PDCD2L: variants seen among roughly 807,000 people sequenced by gnomAD.
The protein encoded by PDCD2L is uS5 assembly chaperone PDCD2L.
A neutral mutation model predicts 40.4 loss-of-function variants in PDCD2L; 44 were observed. The ratio of observed to expected loss-of-function variants is 1.09; its 90% CI spans 0.86 to 1.40. The LOEUF is 1.40. Ranked by LOEUF, PDCD2L falls within the 40% of genes most tolerant of loss-of-function variation. The pLI, the probability that PDCD2L is intolerant of heterozygous loss-of-function variation, is 0.00. For synonymous variants in PDCD2L, 194 were observed against 174.6 expected, an observed-to-expected ratio of 1.11 and a Z score of -0.88; for missense variants, 470 against 453.7, an observed-to-expected ratio of 1.04 and a Z score of -0.33.
At chr19:34,422,704 G>A (rs947095313) in intron 6 of PDCD2L, among the ~76,000 whole-genome samples, 3 of 151,324 alleles carry the variant, frequency 2.0e-5, no homozygotes, top group African/African-American at 7.3e-5. Context: ...AGCAGTTACT[G>A]GATTTTTTTT....
chr19:34,411,659 T>G (rs1568358755), intron 4 of PDCD2L, among the ~76,000 whole-genome samples: 3 of 151,942 alleles, frequency 2.0e-5, no homozygotes, highest in South Asian at 4.1e-4. Context: ...ATTAAAAAAA[T>G]TTTTGGTTTT....
chr19:34,409,226 T>C lies in PDCD2L; in HGVS notation c.402T>C (p.Thr134=). The C allele has an allele frequency of 1.2e-6, 2 of 1,614,174 alleles. No homozygotes were observed. The highest frequency in any genetic ancestry group is 1.3e-5 in the African/African-American group (1 of 75,050). Residue 134 remains threonine (T), a synonymous_variant, in exon 4 of 7, where the codon ACT becomes ACC. Transcript: ENST00000246535. ...GTGCTGATGACTGGGGAAGTGATACTGAGGAGGGGCCTTCACCACAGTTTA... is the reference window on the plus strand; with the variant it reads ...GTGCTGATGACTGGGGAAGTGATACCGAGGAGGGGCCTTCACCACAGTTTA... ...CEGADDWGSD[T]EEGPSPQFTL...
At chr19:34,419,549 G>A (rs2075139889) in intron 5 of PDCD2L, among the ~76,000 whole-genome samples, 1 of 147,690 alleles carries the variant, frequency 6.8e-6, no homozygotes, top group South Asian at 2.1e-4. Context: ...GCCTAGGCTG[G>A]TCTTGAACTC....
At chr19:34,420,255 T>G (rs1318102289) in intron 5 of PDCD2L, among the ~76,000 whole-genome samples, 2 of 151,440 alleles carry the variant, frequency 1.3e-5, no homozygotes, top group African/African-American at 4.8e-5. Context: ...CCTCCCAAAG[T>G]GCTGAGATTA....
At chr19:34,404,613 G>T in intron 1 of PDCD2L, 36 bp from the exon 2 acceptor site, 4 of 1,601,612 alleles carry the variant, frequency 2.5e-6, no homozygotes, top group Non-Finnish European at 3.4e-6. Flanking sequence ...GGTCCTGGGG[G>T]GAGTCGGGGT....
chr19:34,414,833 T>A (rs887658908), intron 5 of PDCD2L, among the ~76,000 whole-genome samples: 3 of 151,812 alleles, frequency 2.0e-5, no homozygotes, highest in African/African-American at 7.3e-5. Flanking sequence ...AGAGAGAGGG[T>A]CTCAGTCTGT....
chr19:34,404,731 G>C lies in PDCD2L; in HGVS notation c.191G>C (p.Cys64Ser), dbSNP rs762278316. ...QPLALVVQVY[C>S]PLEGSPFHRL... ...CTCGCTCTGGTCGTGCAGGTGTATT[G>C]CCCGCTGGAAGGCTCCCCGTTTCAC... is the stretch of plus-strand genomic sequence containing the variant. Residue 64 changes from cysteine (C) to serine (S), a missense_variant, in exon 2 of 7, where the codon TGC becomes TCC. Physicochemically the swap from Cys to Ser is moderately radical, Grantham distance 112. Transcript: ENST00000246535. The C allele has an allele frequency of 6.2e-7, 1 of 1,612,286 alleles. No homozygotes were observed. Among genetic ancestry groups the C allele is most frequent in the Non-Finnish European group, 8.5e-7 (1 of 1,179,832 alleles).
At chr19:34,419,279 G>T in intron 5 of PDCD2L, among the ~76,000 whole-genome samples, 1 of 151,884 alleles carries the variant, frequency 6.6e-6, no homozygotes, top group Non-Finnish European at 1.5e-5. Context: ...TCCTGCCTCA[G>T]CCTCCTGAGT....
At chr19:34,418,605 A>G (rs1361918818) in intron 5 of PDCD2L, among the ~76,000 whole-genome samples, 1 of 152,206 alleles carries the variant, frequency 6.6e-6, no homozygotes, top group Non-Finnish European at 1.5e-5. Context: ...ATCTCTTTGT[A>G]AGACATGTTC....
intron 5 of PDCD2L, among the ~76,000 whole-genome samples, chr19:34,417,875 G>C (rs916360655): frequency 1.3e-5 from 2 of 152,160 alleles, no homozygotes; most frequent in Non-Finnish European, 2.9e-5. Context: ...AACTAAATAT[G>C]CAAATACTAA....
intron 5 of PDCD2L, among the ~76,000 whole-genome samples, chr19:34,414,363 G>A (rs1007980571): frequency 1.3e-5 from 2 of 149,712 alleles, no homozygotes; most frequent in Admixed American, 6.7e-5. Flanking sequence ...TTTTAGTAGA[G>A]ATGGGGTTTC....
intron 5 of PDCD2L, among the ~76,000 whole-genome samples, chr19:34,420,843 G>A (rs938624294): frequency 4.0e-5 from 6 of 151,856 alleles, no homozygotes; most frequent in South Asian, 2.1e-4. Context: ...CTCCCTCTAA[G>A]GCAGAGGTCC....
In PDCD2L at chr19:34,404,450, C is replaced by G. The variant is rs566003258; in HGVS notation, c.20C>G (p.Pro7Arg). 172 of 1,544,500 alleles carry G rather than the reference C, an allele frequency of 1.1e-4. 1 individual carries two copies. Among genetic ancestry groups the G allele is most frequent in the Non-Finnish European group, 5.2e-6 (6 of 1,145,622 alleles). Residue 7 changes from proline to arginine, a missense_variant, in exon 1 of 7, where the codon CCG becomes CGG. Coordinates refer to ENST00000246535, the MANE Select transcript of PDCD2L (RefSeq NM_032346.2). MAAVLK[P>R]VLLGLRDAPV... ...GCGGCCATGGCGGCCGTTCTGAAGC[C>G]GGTGCTGCTGGGCCTTCGAGATGCG...
At chr19:34,417,053 G>A (rs2075129398) in intron 5 of PDCD2L, among the ~76,000 whole-genome samples, 1 of 152,248 alleles carries the variant, frequency 6.6e-6, no homozygotes, top group East Asian at 1.9e-4. Flanking sequence ...GGTGGAGGTT[G>A]CAATCAGCCG....
At position 34,409,199 on chromosome 19, in the gene PDCD2L, A is replaced by AGGTGCTGATGACTGGGGAAGT; in HGVS notation, c.377_397dup (p.Gly126_Ser132dup). ...GCCTTGCAGCTGAGGACTGGTGTGA[A>AGGTGCTGATGACTGGGGAAGT]GGTGCTGATGACTGGGGAAGTGATA... On this transcript the variant is annotated inframe_insertion, in exon 4 of 7. Transcript: ENST00000246535. The AGGTGCTGATGACTGGGGAAGT allele has an allele frequency of 6.2e-7, 1 of 1,614,094 alleles. No individual in the cohort carries two copies. The highest frequency in any genetic ancestry group is 8.5e-7 in the Non-Finnish European group (1 of 1,179,940).
At chr19:34,420,951 C>A (rs995319269) in intron 5 of PDCD2L, among the ~76,000 whole-genome samples, 13 of 152,266 alleles carry the variant, frequency 8.5e-5, no homozygotes, top group Middle Eastern at 3.4e-3. Flanking sequence ...AAACTGTTCA[C>A]CTCAGATCAT....
At chr19:34,410,479 T>A (rs1009673944) in intron 4 of PDCD2L, among the ~76,000 whole-genome samples, 6 of 152,106 alleles carry the variant, frequency 3.9e-5, no homozygotes, top group Admixed American at 2.0e-4. Context: ...CTCGAACTCC[T>A]GACCTCAGGT....
chr19:34,424,203 A>C (rs2075165561), intron 6 of PDCD2L, among the ~76,000 whole-genome samples: 1 of 152,064 alleles, frequency 6.6e-6, no homozygotes, highest in Non-Finnish European at 1.5e-5. Flanking sequence ...TTTTTCACTC[A>C]TATAGAAATG....
chr19:34,404,404 G>C lies in PDCD2L; in HGVS notation c.-27G>C. ...GTGCGCAGAGAGGCCGCCGTAGTTT[G>C]CGTTTTCACCTGGTCGCCCGGCGGC... On this transcript the variant is annotated 5_prime_UTR_variant, in exon 1 of 7. Coordinates refer to ENST00000246535, the MANE Select transcript of PDCD2L (RefSeq NM_032346.2). 1 of 1,531,582 alleles carries C rather than the reference G, an allele frequency of 6.5e-7. No homozygotes were observed. 94.9% of individuals were successfully genotyped at this position (1,531,582 alleles called of 1,614,324 possible).
Sources: allele counts gnomAD v4.1 joint callset (sites outside exome capture counted in the v4.1 genomes callset), GRCh38; gene constraint gnomAD v4.1.1; transcripts MANE v1.5; gene names NCBI Gene and HGNC (gene_info 2026-07-23, HGNC 2026-07-21).